The following DLGAP4 variants were observed in gnomAD, a reference collection of about 807,000 sequenced individuals.
DLGAP4 encodes the protein disks large-associated protein 4.
In DLGAP4, 18 loss-of-function variants were observed where a neutral mutation model predicts 86.9. That is an observed-to-expected ratio of 0.21 (90% CI 0.14 to 0.31). The LOEUF (loss-of-function observed/expected upper bound fraction) is 0.31. Ranked by LOEUF, DLGAP4 falls within the 10% of genes least tolerant of loss-of-function variation. DLGAP4 has a pLI of 1.00. For synonymous variants in DLGAP4, 548 were observed against 574.3 expected (o/e 0.95, Z 0.65); for missense variants, 1,085 against 1,362.6 (o/e 0.80, Z 3.21).
chr20:36,523,199 C>T (rs979998827), intron 10 of DLGAP4, among the ~76,000 whole-genome samples: 6 of 152,088 alleles, frequency 3.9e-5, no homozygotes, highest in East Asian at 3.9e-4. Context: ...ACCACAGATG[C>T]GCACTAGCAC....
rs1188973410 is a variant in DLGAP4 at position 36,362,526 on chromosome 20, AAG to A, written c.-303-4515_-303-4514del. Among the ~76,000 whole-genome samples, 6 of 152,234 alleles carry A rather than the reference AAG, an allele frequency of 3.9e-5. 1 individual carries two copies. Among genetic ancestry groups the A allele is most frequent in the Admixed American group, 3.3e-4 (5 of 15,302 alleles). On this transcript the variant is annotated intron_variant, in intron 1 of 12. Transcript: ENST00000339266. ...GCTCAGAGGTGTGAGCTGGGCTGGAAAGAGAAATGTCACATCTGCGACAAGGA... is the reference window on the plus strand; with the variant it reads ...GCTCAGAGGTGTGAGCTGGGCTGGAAAGAAATGTCACATCTGCGACAAGGA...
intron 1 of DLGAP4, among the ~76,000 whole-genome samples, chr20:36,317,289 TTTCTTA>T (rs2065116423): frequency 0.02 from 268 of 13,224 alleles, 3 homozygotes; most frequent in Non-Finnish European, 0.029. Flanking sequence ...TCTTTCTTTC[TTTCTTA>T]TCTTTCTTTC....
chr20:36,464,913 G>A (rs889802342), intron 7 of DLGAP4, among the ~76,000 whole-genome samples: 1 of 151,462 alleles, frequency 6.6e-6, no homozygotes, highest in Non-Finnish European at 1.5e-5. Context: ...AACCACAAAC[G>A]CCTGGTTTTA....
At position 36,383,792 on chromosome 20, in the gene DLGAP4, G is replaced by A. The variant is rs1345388874; in HGVS notation, c.-73+16517G>A. Among the ~76,000 whole-genome samples the A allele has an allele frequency of 4.6e-5, 7 of 151,896 alleles. No individual in the cohort carries two copies. In the East Asian group the frequency reaches 7.8e-4, roughly 17 times the overall value. ...AGATCGAGACCATCCTGGCTAACAC[G>A]GTGAAACGCCGTCTCTACTAAAAAT... On this transcript the variant is annotated intron_variant, in intron 2 of 12. Coordinates refer to ENST00000339266, the MANE Select transcript of DLGAP4 (RefSeq NM_001365621.2).
chr20:36,379,774 T>G lies in DLGAP4; in HGVS notation c.-73+12499T>G, dbSNP rs1298343612. ...GTGACTTTGGGAAAATCACTTGACC[T>G]CCCTCCCTAAGCCTCACCTGTTCTA... is the stretch of plus-strand genomic sequence containing the variant. On this transcript the variant is annotated intron_variant, in intron 2 of 12. Coordinates refer to ENST00000339266, the MANE Select transcript of DLGAP4 (RefSeq NM_001365621.2). Among the ~76,000 whole-genome samples the G allele has an allele frequency of 4.6e-5, 7 of 152,312 alleles. No homozygotes were observed. The East Asian group carries it at 9.6e-4, about 21-fold the overall frequency.
chr20:36,497,130 C>T lies in DLGAP4; in HGVS notation c.2010+64C>T, dbSNP rs1175360460. The T allele has an allele frequency of 6.6e-6, 10 of 1,525,100 alleles. No individual in the cohort carries two copies. In the South Asian group the frequency reaches 7.8e-5, roughly 12 times the overall value. 94.5% of individuals were successfully genotyped at this position (1,525,100 alleles called of 1,614,324 possible). A position where few individuals can be genotyped will look rare whatever the true frequency, so the allele number is the denominator to read the frequency against. ...CCGTGCACCTGCCTGTGTGTAATTA[C>T]ATCTGGTAGAGGCCCACTAGGTCTC... On this transcript the variant is annotated intron_variant, in intron 8 of 12. Transcript: ENST00000339266.
At chr20:36,462,024 C>T (rs1215850969) in intron 7 of DLGAP4, 18 of 985,826 alleles carry the variant, frequency 1.8e-5, no homozygotes, top group Non-Finnish European at 2.2e-5. Context: ...AGAACACCTT[C>T]CACTCTCCCC....
intron 7 of DLGAP4, among the ~76,000 whole-genome samples, chr20:36,452,485 A>G (rs1380189883): frequency 3.0e-5 from 4 of 133,598 alleles, no homozygotes; most frequent in Admixed American, 7.4e-5. Flanking sequence ...TGGCCTAGCT[A>G]TTTCTTTTGA....
chr20:36,397,446 G>A (rs2032033321), intron 2 of DLGAP4, among the ~76,000 whole-genome samples: 1 of 152,174 alleles, frequency 6.6e-6, no homozygotes, highest in Non-Finnish European at 1.5e-5. Flanking sequence ...GTGCCATAAG[G>A]GAGGCATATG....
In DLGAP4 at chr20:36,323,885, C is replaced by T. The variant is rs6072401; in HGVS notation, c.-304+17373C>T. On this transcript the variant is annotated intron_variant, in intron 1 of 12. Transcript: ENST00000339266. Reference sequence around the variant, plus strand: ...GATCTGACAGGAGGAGGAGCTCAGGCGGTAAAGCTGGCTTGCCTGCTGCTC... The same window carrying T: ...GATCTGACAGGAGGAGGAGCTCAGGTGGTAAAGCTGGCTTGCCTGCTGCTC... Among the ~76,000 whole-genome samples the T allele has an allele frequency of 4.5e-3, 687 of 152,334 alleles. 5 individuals carry two copies. The highest frequency in any genetic ancestry group is 0.016 in the African/African-American group (654 of 41,584).
chr20:36,471,845 T>G (rs1481892539), intron 7 of DLGAP4, among the ~76,000 whole-genome samples: 1 of 152,112 alleles, frequency 6.6e-6, no homozygotes, highest in Non-Finnish European at 1.5e-5. Flanking sequence ...CCTCTTGCTG[T>G]GCTGAGATAC....
intron 1 of DLGAP4, among the ~76,000 whole-genome samples, chr20:36,307,242 G>T (rs1257914298): frequency 6.6e-6 from 1 of 152,226 alleles, no homozygotes; most frequent in Admixed American, 6.5e-5. Context: ...GCGCCCCGCG[G>T]AGACAGGGGT....
chr20:36,423,119 G>C (rs2032873643), intron 2 of DLGAP4, among the ~76,000 whole-genome samples: 1 of 152,118 alleles, frequency 6.6e-6, no homozygotes, highest in Non-Finnish European at 1.5e-5. Context: ...GCACAGAAGG[G>C]GGAAAGGACC....
At chr20:36,382,529 T>G (rs1367978159) in intron 2 of DLGAP4, among the ~76,000 whole-genome samples, 2 of 100,056 alleles carry the variant, frequency 2.0e-5, no homozygotes, top group African/African-American at 9.0e-5. Flanking sequence ...CTTTTTTTCT[T>G]TTTTTTTTTT....
In DLGAP4 at chr20:36,308,072, G is replaced by A. The variant is rs1017077427; in HGVS notation, c.-304+1560G>A. On this transcript the variant is annotated intron_variant, in intron 1 of 12. Transcript: ENST00000339266. The surrounding 1 kb of genome is among the most constrained non-coding windows in gnomAD (Gnocchi z 4.5). Reference sequence around the variant, plus strand: ...AGCCGGCTGTCGGGGCCAGTCAGCAGCAGACTCCGAGTGTGTTCCCAGCAG... The same window carrying A: ...AGCCGGCTGTCGGGGCCAGTCAGCAACAGACTCCGAGTGTGTTCCCAGCAG... Among the ~76,000 whole-genome samples the A allele has an allele frequency of 6.6e-6, 1 of 152,238 alleles. No homozygotes were observed. The highest frequency in any genetic ancestry group is 1.9e-4 in the East Asian group (1 of 5,198).
intron 8 of DLGAP4, chr20:36,499,350 T>TTCCCCCCCCCCCCC: frequency 6.5e-7 from 1 of 1,545,002 alleles, no homozygotes; most frequent in Non-Finnish European, 8.8e-7. Context: ...CTCCACCCCA[T>TTCCCCCCCCCCCCC]CCCACCTCCC....
chr20:36,409,723 AAAG>A (rs1230133411), intron 2 of DLGAP4, among the ~76,000 whole-genome samples: 9 of 145,860 alleles, frequency 6.2e-5, no homozygotes, highest in South Asian at 5.3e-4. Flanking sequence ...AAAAAAAAAA[AAAG>A]AAACATAATA....
chr20:36,323,704 G>T (rs2065191370), intron 1 of DLGAP4, among the ~76,000 whole-genome samples: 1 of 152,194 alleles, frequency 6.6e-6, no homozygotes, highest in Admixed American at 6.5e-5. Context: ...TGGCACCAGG[G>T]ACTGGTTTCA....
At chr20:36,462,641 A>G in intron 7 of DLGAP4, 1 of 1,561,638 alleles carries the variant, frequency 6.4e-7, no homozygotes, top group Non-Finnish European at 8.6e-7. Context: ...GTTGGCCCGC[A>G]GGCTGGCCGC....
Sources: gnomAD v4.1 joint callset for allele counts (sites outside exome capture counted in the v4.1 genomes callset) on GRCh38, gnomAD v4.1.1 for gene constraint, Gnocchi (gnomAD v3.1) non-coding constraint, MANE v1.5 for transcripts, NCBI Gene and HGNC (gene_info 2026-07-23, HGNC 2026-07-21) for gene names.